The following USF3 variants were observed in gnomAD, a reference collection of about 807,000 sequenced individuals.
USF3 encodes the protein basic helix-loop-helix domain-containing protein USF3.
A neutral mutation model predicts 157.5 loss-of-function variants in USF3; 29 were observed. The ratio of observed to expected loss-of-function variants is 0.18; its 90% CI spans 0.14 to 0.25. The LOEUF (loss-of-function observed/expected upper bound fraction) is 0.25. Ranked by LOEUF, USF3 falls within the 10% of genes least tolerant of loss-of-function variation. The pLI is 1.00. For synonymous variants in USF3, 893 were observed against 941.4 expected (o/e 0.95, Z 0.94); for missense variants, 2,381 against 2,667.6 (o/e 0.89, Z 2.37).
At chr3:113,688,295 T>G (rs989851615) in intron 1 of USF3, among the ~76,000 whole-genome samples, 1 of 152,136 alleles carries the variant, frequency 6.6e-6, no homozygotes, top group African/African-American at 2.4e-5. Context: ...ATTTTTTGTA[T>G]CTTTAGTAGA....
rs5851904 is a variant in USF3 at position 113,652,108 on chromosome 3, A to AGTGTGTGTGTGTGTGTGTGTGT, written c.*2814_*2835dup. The AGTGTGTGTGTGTGTGTGTGTGT allele has an allele frequency of 1.7e-4, 24 of 141,974 alleles. No individual in the cohort carries two copies. Among genetic ancestry groups the AGTGTGTGTGTGTGTGTGTGTGT allele is most frequent in the African/African-American group, 6.3e-4 (24 of 38,272 alleles). 8.8% of individuals were successfully genotyped at this position (141,974 alleles called of 1,614,324 possible). A position where few individuals can be genotyped will look rare whatever the true frequency, so the allele number is the denominator to read the frequency against. Reference sequence around the variant, plus strand: ...TGGAGAGAGAGAGAGAGAGAGAGAGAGTGTGTGTGTGTGTGTGTGTGTGTG... The same window carrying AGTGTGTGTGTGTGTGTGTGTGT: ...TGGAGAGAGAGAGAGAGAGAGAGAGAGTGTGTGTGTGTGTGTGTGTGTGTGTGTGTGTGTGTGTGTGTGTGTG... On this transcript the variant is annotated 3_prime_UTR_variant, in exon 7 of 7. Coordinates refer to ENST00000316407, the MANE Select transcript of USF3 (RefSeq NM_001009899.4).
Position 113,661,180 on chromosome 3 carries a change from T to A in USF3, c.502A>T (p.Ile168Leu), listed in dbSNP as rs763091828. Residue 168 changes from isoleucine (I) to leucine (L), a missense_variant, in exon 7 of 7, where the codon ATA (isoleucine) becomes TTA (leucine). Transcript: ENST00000316407. ...GNSQGTAVQGITFNVSHNLQK... is the reference protein window; with the variant it reads ...GNSQGTAVQGLTFNVSHNLQK... ...AAATTATGACTAACATTAAAAGTTA[T>A]CCCCTGAACAGCTGTTCCCTGGCTG... 1.2e-6 allele frequency: 2 copies of A among 1,614,174 alleles called. No homozygotes were observed. Among genetic ancestry groups the A allele is most frequent in the African/African-American group, 2.7e-5 (2 of 75,034 alleles).
Position 113,656,890 on chromosome 3 carries a change from G to C in USF3, c.4792C>G (p.Gln1598Glu), listed in dbSNP as rs1347702574. The C allele has an allele frequency of 3.1e-6, 5 of 1,614,040 alleles. No homozygotes were observed. The highest frequency in any genetic ancestry group is 1.3e-5 in the African/African-American group (1 of 74,920). Residue 1598 changes from glutamine (Q) to glutamate (E), a missense_variant, in exon 7 of 7, where the codon CAA becomes GAA. Transcript: ENST00000316407. ...TCCTGCTGTTGGTGCATAATATCTT[G>C]ATTGAGATGGTTCTGGGGATGGTTA... ...HHNHPQNHLN[Q>E]DIMHQQQDVG...
chr3:113,674,968 A>G, intron 2 of USF3, 72 bp from the exon 3 acceptor site: 1 of 886,368 alleles, frequency 1.1e-6, no homozygotes, highest in Non-Finnish European at 1.9e-6. Flanking sequence ...GTCAATAGCA[A>G]TTTGATTTGA....
At chr3:113,668,083 G>T (rs1266479254) in intron 5 of USF3, among the ~76,000 whole-genome samples, 1 of 151,966 alleles carries the variant, frequency 6.6e-6, no homozygotes, top group South Asian at 2.1e-4. Flanking sequence ...AAATAGAGGG[G>T]AAGTGGCTGA....
chr3:113,665,238 TG>T (rs1245203010), intron 5 of USF3, among the ~76,000 whole-genome samples: 1 of 151,980 alleles, frequency 6.6e-6, no homozygotes. Context: ...GTTGGAGGAA[TG>T]GTAAGGAGGT....
At position 113,649,867 on chromosome 3, in the gene USF3, G is replaced by T; in HGVS notation, c.*5077C>A. 1 of 702,738 alleles carries T rather than the reference G, an allele frequency of 1.4e-6. No homozygotes were observed. The highest frequency in any genetic ancestry group is 1.7e-5 in the African/African-American group (1 of 57,366). 43.5% of individuals were successfully genotyped at this position (702,738 alleles called of 1,614,324 possible). On this transcript the variant is annotated 3_prime_UTR_variant, in exon 7 of 7. Transcript: ENST00000316407. Reference sequence around the variant, plus strand: ...AGTAGAAACCTACGCATGAAGAATAGAATGCAGACAGAATATAGTTAAATC... The same window carrying T: ...AGTAGAAACCTACGCATGAAGAATATAATGCAGACAGAATATAGTTAAATC...
At chr3:113,679,403 A>C (rs1187412160) in intron 1 of USF3, among the ~76,000 whole-genome samples, 1 of 149,040 alleles carries the variant, frequency 6.7e-6, no homozygotes, top group Non-Finnish European at 1.5e-5. Flanking sequence ...TTATCAACAG[A>C]GAAAGTTCTT....
chr3:113,673,349 T>C lies in USF3; in HGVS notation c.75A>G (p.Ala25=). 6.2e-7 allele frequency: 1 copy of C among 1,601,782 alleles called. No individual in the cohort carries two copies. The highest frequency in any genetic ancestry group is 8.5e-7 in the Non-Finnish European group (1 of 1,171,324). Residue 25 remains alanine (A), a splice_region_variant and synonymous_variant, in exon 4 of 7, where the codon GCA becomes GCG. Coordinates refer to ENST00000316407, the MANE Select transcript of USF3 (RefSeq NM_001009899.4). Reference sequence around the variant, plus strand: ...AGGTAAAATTTAAATTGTTTCTACCTGCATTGTGTGTCTCCCGGTTTTTCT... The same window carrying C: ...AGGTAAAATTTAAATTGTTTCTACCCGCATTGTGTGTCTCCCGGTTTTTCT... ...HRKKNRETHN[A]VERHRKKKIN...
In USF3 at chr3:113,672,147, C is replaced by CT. The variant is rs1208088407; in HGVS notation, c.76+1200dup. On this transcript the variant is annotated intron_variant, in intron 4 of 6. Coordinates refer to ENST00000316407, the MANE Select transcript of USF3 (RefSeq NM_001009899.4). ...AACACATCTCTTTCTTTTTTTTTTTCTTTTTTTTTTTTGAGATGGAGCCTC... is the reference window on the plus strand; with the variant it reads ...AACACATCTCTTTCTTTTTTTTTTTCTTTTTTTTTTTTTGAGATGGAGCCTC... Among the ~76,000 whole-genome samples the CT allele has an allele frequency of 6.1e-3, 820 of 133,688 alleles. 6 individuals carry two copies. Among genetic ancestry groups the CT allele is most frequent in the African/African-American group, 0.019 (678 of 36,472 alleles). The allele number at this position is 133,688 out of a possible 152,430, so 87.7% of individuals were successfully genotyped here.
chr3:113,656,032 C>G lies in USF3; in HGVS notation c.5650G>C (p.Gly1884Arg), dbSNP rs1389141941. The G allele has an allele frequency of 1.2e-6, 2 of 1,614,172 alleles. No homozygotes were observed. The highest frequency in any genetic ancestry group is 1.7e-6 in the Non-Finnish European group (2 of 1,180,028). The change falls in exon 7 of 7, where the codon GGT (glycine) becomes CGT (arginine). Residue 1884 changes from glycine to arginine, a missense_variant. By Grantham distance (125) the Gly-to-Arg change is moderately radical. Coordinates refer to ENST00000316407, the MANE Select transcript of USF3 (RefSeq NM_001009899.4). ...QNRESCDMSL[G>R]AINTRNSTLN... ...GTGCTGTTCCTGGTGTTAATTGCAC[C>G]TAACGACATGTCACAACTTTCCCTA... is the stretch of plus-strand genomic sequence containing the variant.
chr3:113,683,513 G>T (rs1426933267), intron 1 of USF3, among the ~76,000 whole-genome samples: 1 of 122,952 alleles, frequency 8.1e-6, no homozygotes, highest in East Asian at 2.5e-4. Context: ...TCTGTCGCCA[G>T]GCTGGAGTAC....
chr3:113,662,882 A>G (rs1206916029), intron 6 of USF3, among the ~76,000 whole-genome samples: 1 of 151,996 alleles, frequency 6.6e-6, no homozygotes, highest in Non-Finnish European at 1.5e-5. Context: ...CAGAGCAGTT[A>G]TGTAATTTGC....
At position 113,657,910 on chromosome 3, in the gene USF3, C is replaced by T. The variant is rs753125560; in HGVS notation, c.3772G>A (p.Ala1258Thr). ...TGCTCTGAAGTTGGGGATAAACCCGCACAGCTGGCCAGAGGATGGCTGATG... is the reference window on the plus strand; with the variant it reads ...TGCTCTGAAGTTGGGGATAAACCCGTACAGCTGGCCAGAGGATGGCTGATG... ...SSISHPLASC[A>T]GLSPTSEQTT... The change falls in exon 7 of 7, where the codon GCG (alanine) becomes ACG (threonine). Residue 1258 changes from alanine to threonine, a missense_variant. Transcript: ENST00000316407. 1.9e-6 allele frequency: 3 copies of T among 1,614,136 alleles called. No homozygotes were observed. Among genetic ancestry groups the T allele is most frequent in the Admixed American group, 1.7e-5 (1 of 60,014 alleles).
Position 113,655,358 on chromosome 3 carries a change from G to A in USF3, c.6324C>T (p.Pro2108=), listed in dbSNP as rs781678052. The A allele has an allele frequency of 1.9e-6, 3 of 1,614,022 alleles. No homozygotes were observed. The highest frequency in any genetic ancestry group is 1.6e-4 in the Middle Eastern group (1 of 6,062). The change falls in exon 7 of 7, where the codon CCC becomes CCT. Residue 2108 remains proline (P), a synonymous_variant. Coordinates refer to ENST00000316407, the MANE Select transcript of USF3 (RefSeq NM_001009899.4). ...LIPVDPQNTL[P]SFYPPYSPAH... ...CAGGAGAGTATGGAGGATAGAAGGA[G>A]GGCAGAGTATTTTGCGGATCTACCG... is the stretch of plus-strand genomic sequence containing the variant.
chr3:113,656,078 T>A lies in USF3; in HGVS notation c.5604A>T (p.Arg1868Ser). 6.2e-7 allele frequency: 1 copy of A among 1,614,160 alleles called. No homozygotes were observed. The highest frequency in any genetic ancestry group is 8.5e-7 in the Non-Finnish European group (1 of 1,180,008). Residue 1868 changes from arginine (R) to serine (S), a missense_variant, in exon 7 of 7, where the codon AGA becomes AGT. Coordinates refer to ENST00000316407, the MANE Select transcript of USF3 (RefSeq NM_001009899.4). ...CCCTATTCTGACTCTCACTCTCTCT[T>A]CTAATATGGACATTTTCATGAGTTG... ...CPPTHENVHI[R>S]RESESQNRES... is the part of the protein sequence containing the mutation.
chr3:113,659,787 T>G lies in USF3; in HGVS notation c.1895A>C (p.His632Pro). 6.2e-7 allele frequency: 1 copy of G among 1,614,234 alleles called. No individual in the cohort carries two copies. The highest frequency in any genetic ancestry group is 8.5e-7 in the Non-Finnish European group (1 of 1,180,028). ...VPTPQTFGGK[H>P]LVHILPRPSS... The stretch of plus-strand genomic sequence containing the variant: ...AGGTCTTGGTAATATGTGGACAAGA[T>G]GCTTTCCTCCAAAAGTCTGTGGTGT... The change falls in exon 7 of 7, where the codon CAT becomes CCT. Residue 632 changes from histidine to proline, a missense_variant. Around this residue, in one of 6 missense-constraint regions of USF3, gnomAD observed 1,435 missense variants for 1,550.9 expected, o/e 0.93. Transcript: ENST00000316407.
intron 1 of USF3, among the ~76,000 whole-genome samples, chr3:113,683,601 CG>C (rs928307891): frequency 4.6e-5 from 7 of 151,134 alleles, no homozygotes; most frequent in African/African-American, 1.7e-4. Context: ...CCCAAGTAGC[CG>C]GGACTACAGG....
intron 4 of USF3, among the ~76,000 whole-genome samples, chr3:113,672,968 T>A (rs993365812): frequency 1.3e-5 from 2 of 152,222 alleles, no homozygotes; most frequent in Non-Finnish European, 2.9e-5. Flanking sequence ...TTAGGATCTA[T>A]AACCTGCTGC....
Sources: gnomAD v4.1 joint callset for allele counts (sites outside exome capture counted in the v4.1 genomes callset) on GRCh38, gnomAD v4.1.1 for gene constraint, gnomAD v4.1.1 regional missense constraint, MANE v1.5 for transcripts, NCBI Gene and HGNC (gene_info 2026-07-23, HGNC 2026-07-21) for gene names.